The following CAP2 variants were observed in gnomAD, a reference collection of about 807,000 sequenced individuals.
CAP2 encodes cyclase associated actin cytoskeleton regulatory protein 2.
Under a neutral mutation model 57.7 loss-of-function variants are expected in CAP2, and 24 were observed. That is an observed-to-expected ratio of 0.42 (90% CI 0.30 to 0.58). The LOEUF (loss-of-function observed/expected upper bound fraction) is 0.58. CAP2 is among the 20% of genes least tolerant of loss of function. CAP2 has a pLI of 0.22. For synonymous variants in CAP2, 194 were observed against 207.2 expected, an observed-to-expected ratio of 0.94 and a Z score of 0.55; for missense variants, 501 against 590.3, an observed-to-expected ratio of 0.85 and a Z score of 1.57.
At chr6:17,527,394 C>T (rs2113682920) in intron 7 of CAP2, among the ~76,000 whole-genome samples, 1 of 152,186 alleles carries the variant, frequency 6.6e-6, no homozygotes, top group South Asian at 2.1e-4. Context: ...TTAATTTTAT[C>T]TTTCCTTTTT....
At position 17,513,793 on chromosome 6, in the gene CAP2, T is replaced by A. The variant is rs941389944; in HGVS notation, c.531-56T>A. On this transcript the variant is annotated intron_variant, in intron 6 of 12. Transcript: ENST00000229922. This position sits in a 1 kb window ranked among gnomAD's most constrained non-coding sequence, Gnocchi z 4.3. ...TAACCATGTGCCCCCACAATTTTTTTAAAATTTTATTTTAGATCCTAACTC... is the reference window on the plus strand; with the variant it reads ...TAACCATGTGCCCCCACAATTTTTTAAAAATTTTATTTTAGATCCTAACTC... 574 of 1,301,162 alleles carry A rather than the reference T, an allele frequency of 4.4e-4. No homozygotes were observed. Among genetic ancestry groups the A allele is most frequent in the Non-Finnish European group, 4.9e-4 (443 of 899,144 alleles). 80.6% of individuals were successfully genotyped at this position (1,301,162 alleles called of 1,614,324 possible). A position where few individuals can be genotyped will look rare whatever the true frequency, so the allele number is the denominator to read the frequency against.
chr6:17,524,575 A>G (rs1163168798), intron 7 of CAP2, among the ~76,000 whole-genome samples: 2 of 152,198 alleles, frequency 1.3e-5, no homozygotes, highest in African/African-American at 4.8e-5. Context: ...CCATTCTGCC[A>G]TTATATTTAT....
rs1440867205 is a variant in CAP2 at position 17,556,426 on chromosome 6, C to A, written c.1418C>A (p.Ala473Glu). Residue 473 changes from alanine (A) to glutamate (E), a missense_variant, in exon 13 of 13, where the codon GCA (alanine) becomes GAA (glutamate). Coordinates refer to ENST00000229922, the MANE Select transcript of CAP2 (RefSeq NM_006366.3). ...GGATCCAAGTTAATCACTGAACCTG[C>A]AGAAATTATGGCCTAACTTCCTGAG... The part of the protein sequence containing the change: ...WDGSKLITEP[A>E]EIMA 2 of 1,612,068 alleles carry A rather than the reference C, an allele frequency of 1.2e-6. No homozygotes were observed. Among genetic ancestry groups the A allele is most frequent in the Non-Finnish European group, 1.7e-6 (2 of 1,178,224 alleles).
Position 17,557,215 on chromosome 6 carries a change from A to C in CAP2, c.*773A>C, listed in dbSNP as rs1763335117. 1 of 152,210 alleles carries C rather than the reference A, an allele frequency of 6.6e-6. No individual in the cohort carries two copies. The highest frequency in any genetic ancestry group is 1.5e-5 in the Non-Finnish European group (1 of 68,046). 9.4% of individuals were successfully genotyped at this position (152,210 alleles called of 1,614,324 possible). ...ACCTCGCAACTTTGCTCTAAAATCA[A>C]GCTCAGTTATTATTTTCCAAGTTTG... On this transcript the variant is annotated 3_prime_UTR_variant, in exon 13 of 13. Coordinates refer to ENST00000229922, the MANE Select transcript of CAP2 (RefSeq NM_006366.3).
At chr6:17,549,691 A>G (rs1244937475) in intron 11 of CAP2, among the ~76,000 whole-genome samples, 1 of 152,196 alleles carries the variant, frequency 6.6e-6, no homozygotes, top group African/African-American at 2.4e-5. Flanking sequence ...GCGTGGTGCT[A>G]GGTTAACTGA....
At chr6:17,453,605 C>T (rs1405061012) in intron 3 of CAP2, among the ~76,000 whole-genome samples, 1 of 152,142 alleles carries the variant, frequency 6.6e-6, no homozygotes, top group East Asian at 1.9e-4. Flanking sequence ...CTAGGCTCAG[C>T]AGAGGATACA....
rs141968244 is a variant in CAP2 at position 17,550,805 on chromosome 6, A to G, written c.1210-659A>G. Among the ~76,000 whole-genome samples the G allele has an allele frequency of 5.0e-4, 76 of 152,180 alleles. 1 individual carries two copies. Among genetic ancestry groups the G allele is most frequent in the African/African-American group, 1.7e-3 (71 of 41,550 alleles). On this transcript the variant is annotated intron_variant, in intron 11 of 12. Coordinates refer to ENST00000229922, the MANE Select transcript of CAP2 (RefSeq NM_006366.3). ...ATCGCCTCCTCTTTTGTATGATCCT[A>G]CTTATCTATATAATGAGTGTCCTGA...
At chr6:17,426,507 T>A in intron 2 of CAP2, 83 bp from the exon 3 acceptor site, 1 of 957,662 alleles carries the variant, frequency 1.0e-6, no homozygotes, top group Non-Finnish European at 1.7e-6. Flanking sequence ...AGTGCTAGGA[T>A]TACAGGTGTG....
At chr6:17,434,601 G>A (rs1759825250) in intron 3 of CAP2, among the ~76,000 whole-genome samples, 1 of 152,188 alleles carries the variant, frequency 6.6e-6, no homozygotes, top group African/African-American at 2.4e-5. Flanking sequence ...CGTGTACTTT[G>A]TGTAGTAACG....
At chr6:17,511,080 G>A (rs1762134601) in intron 6 of CAP2, among the ~76,000 whole-genome samples, 1 of 152,180 alleles carries the variant, frequency 6.6e-6, no homozygotes, top group Non-Finnish European at 1.5e-5. Context: ...TACCAAAGAT[G>A]ACTCAGTTAA....
At chr6:17,497,597 T>G in intron 4 of CAP2, among the ~76,000 whole-genome samples, 1 of 152,194 alleles carries the variant, frequency 6.6e-6, no homozygotes, top group Admixed American at 6.5e-5. Flanking sequence ...ACTACTTCCT[T>G]CCTGGATCTC....
At chr6:17,444,971 T>C (rs1234676275) in intron 3 of CAP2, among the ~76,000 whole-genome samples, 1 of 152,080 alleles carries the variant, frequency 6.6e-6, no homozygotes, top group African/African-American at 2.4e-5. Context: ...TGAGGCAATA[T>C]AAGAAAGTGA....
intron 1 of CAP2, among the ~76,000 whole-genome samples, chr6:17,421,164 C>T (rs2113531223): frequency 6.6e-6 from 1 of 152,190 alleles, no homozygotes; most frequent in African/African-American, 2.4e-5. Context: ...ATATGTTCCT[C>T]ACTTATAAGT....
intron 7 of CAP2, among the ~76,000 whole-genome samples, chr6:17,534,116 G>A (rs1762714638): frequency 6.6e-6 from 1 of 152,156 alleles, no homozygotes; most frequent in African/African-American, 2.4e-5. Context: ...GTGGCTTTGT[G>A]CAAGTTACAT....
Position 17,541,145 on chromosome 6 carries a change from A to G in CAP2, c.999A>G (p.Arg333=), listed in dbSNP as rs1250255733. 3 of 1,609,486 alleles carry G rather than the reference A, an allele frequency of 1.9e-6. No individual in the cohort carries two copies. Among genetic ancestry groups the G allele is most frequent in the Non-Finnish European group, 2.5e-6 (3 of 1,177,240 alleles). Residue 333 remains arginine (R), a synonymous_variant, in exon 9 of 13, where the codon AGA becomes AGG. Transcript: ENST00000229922. ...TGGAGTTGGAAGGAAAGAAATGGAG[A>G]GTGGTAAGTGAAGCATTTTAACCTT... ...PVLELEGKKW[R]VEYQEDRNDL...
chr6:17,552,522 C>T (rs746711347), intron 12 of CAP2, among the ~76,000 whole-genome samples: 10 of 152,102 alleles, frequency 6.6e-5, no homozygotes, highest in Non-Finnish European at 1.0e-4. Flanking sequence ...ATCCCAGCTA[C>T]TCGGGAGGCT....
intron 1 of CAP2, among the ~76,000 whole-genome samples, chr6:17,400,426 G>A (rs1758780739): frequency 1.3e-5 from 2 of 152,058 alleles, no homozygotes; most frequent in Non-Finnish European, 2.9e-5. Context: ...TAGCATCTGG[G>A]GATGCAAAAA....
Position 17,411,798 on chromosome 6 carries a change from C to T in CAP2, c.-1-9757C>T, listed in dbSNP as rs140360131. ...ATGGCTCTTCTTTTCTCAGTGCCAG[C>T]GTGTGGCCCTTAGGGGACTCCTAGA... On this transcript the variant is annotated intron_variant, in intron 1 of 12. Coordinates refer to ENST00000229922, the MANE Select transcript of CAP2 (RefSeq NM_006366.3). Among the ~76,000 whole-genome samples the T allele has an allele frequency of 2.1e-3, 326 of 152,214 alleles. 3 individuals are homozygous for T. The highest frequency in any genetic ancestry group is 7.7e-3 in the African/African-American group (318 of 41,538).
At chr6:17,553,526 A>ACTCG (rs1561827580) in intron 12 of CAP2, among the ~76,000 whole-genome samples, 1 of 151,886 alleles carries the variant, frequency 6.6e-6, no homozygotes, top group Non-Finnish European at 1.5e-5. Context: ...CCAGCTACTC[A>ACTCG]GGAGGCTGAA....
Sources: allele counts gnomAD v4.1 joint callset (sites outside exome capture counted in the v4.1 genomes callset), GRCh38; gene constraint gnomAD v4.1.1; non-coding constraint Gnocchi (gnomAD v3.1); transcripts MANE v1.5; gene names NCBI Gene and HGNC (gene_info 2026-07-23, HGNC 2026-07-21).